The following PCDHGB1 variants were observed in gnomAD, a reference collection of about 807,000 sequenced individuals.
PCDHGB1 encodes the protein protocadherin gamma subfamily B, 1.
PCDHGB1 carries 34 observed loss-of-function variants against 56.6 expected under a neutral mutation model. The observed-to-expected ratio is 0.60, with a 90% CI of 0.46 to 0.80. The LOEUF (loss-of-function observed/expected upper bound fraction) is 0.80, where lower values mean the gene tolerates loss of function less well. Ranked by LOEUF, PCDHGB1 falls within the 30% of genes least tolerant of loss-of-function variation. The probability of loss-of-function intolerance (pLI) is 0.00; values close to 1 mark genes in which losing one functional copy is unlikely to be tolerated. For synonymous variants in PCDHGB1, 561 were observed against 505.9 expected (o/e 1.11, Z -1.46); for missense variants, 1,278 against 1,204.6 (o/e 1.06, Z -0.90).
intron 1 of PCDHGB1, among the ~76,000 whole-genome samples, chr5:141,387,296 C>T (rs2090893790): frequency 6.6e-6 from 1 of 152,134 alleles, no homozygotes; most frequent in Non-Finnish European, 1.5e-5. Flanking sequence ...TAAAATGTAT[C>T]CAGTATATTT....
chr5:141,474,962 A>G (rs954703806), intron 1 of PCDHGB1, among the ~76,000 whole-genome samples: 3 of 152,256 alleles, frequency 2.0e-5, no homozygotes, highest in Non-Finnish European at 4.4e-5. Flanking sequence ...CACTATCCTA[A>G]TCATTATAAT....
At chr5:141,419,325 A>C in intron 1 of PCDHGB1, 1 of 1,613,702 alleles carries the variant, frequency 6.2e-7, no homozygotes, top group African/African-American at 1.3e-5. Flanking sequence ...CGTGTCTCCT[A>C]CTCTCTCATT....
chr5:141,431,265 G>A lies in PCDHGB1; in HGVS notation c.2410-63542G>A. 2 of 1,614,168 alleles carry A rather than the reference G, an allele frequency of 1.2e-6. No homozygotes were observed. On this transcript the variant is annotated intron_variant, in intron 1 of 3. Transcript: ENST00000523390. This position sits in a 1 kb window ranked among gnomAD's most constrained non-coding sequence, Gnocchi z 4.8. ...GATATCGGGAAGAACTCTCTGCAGA[G>A]CTACGAGCTCAGCCCGAACACTCAC...
At chr5:141,448,667 G>A (rs1262994760) in intron 1 of PCDHGB1, among the ~76,000 whole-genome samples, 6 of 151,990 alleles carry the variant, frequency 3.9e-5, no homozygotes, top group African/African-American at 9.7e-5. Flanking sequence ...TTGGCCGGGC[G>A]CGGTGGCTCA....
chr5:141,354,817 T>C (rs371536222), intron 1 of PCDHGB1, among the ~76,000 whole-genome samples: 21 of 152,362 alleles, frequency 1.4e-4, no homozygotes, highest in African/African-American at 4.8e-4. Context: ...TAAAGTTTAT[T>C]GTACAGGAAG....
chr5:141,384,374 C>A, intron 1 of PCDHGB1: 1 of 1,613,920 alleles, frequency 6.2e-7, no homozygotes, highest in Non-Finnish European at 8.5e-7. Flanking sequence ...TATTCCTTGG[C>A]CGAAGACACC....
intron 1 of PCDHGB1, among the ~76,000 whole-genome samples, chr5:141,381,974 C>A (rs1049134937): frequency 6.6e-6 from 1 of 151,492 alleles, no homozygotes; most frequent in Non-Finnish European, 1.5e-5. Flanking sequence ...GGATTACAGG[C>A]GCGCGCCACC....
chr5:141,394,321 C>G (rs11575959), intron 1 of PCDHGB1: 43,282 of 1,613,954 alleles, frequency 0.027, 850 homozygotes, highest in African/African-American at 0.092. Flanking sequence ...CCCCTGTCCT[C>G]GTATATCTCC....
intron 1 of PCDHGB1, chr5:141,361,959 G>A: frequency 6.2e-7 from 1 of 1,602,806 alleles, no homozygotes; most frequent in Non-Finnish European, 8.5e-7. Flanking sequence ...CCTACCACGT[G>A]CTGCAGGCCA....
rs979093310 is a variant in PCDHGB1 at position 141,486,621 on chromosome 5, A to G, written c.2410-8186A>G. On this transcript the variant is annotated intron_variant, in intron 1 of 3. Transcript: ENST00000523390. This position sits in a 1 kb window ranked among gnomAD's most constrained non-coding sequence, Gnocchi z 5.0. The stretch of plus-strand genomic sequence containing the variant: ...TGCTCCCTTGCAGCCTCTGACCCAG[A>G]CTCTGGCTTGAATGCGCTTATCTCC... 6.2e-7 allele frequency: 1 copy of G among 1,613,388 alleles called. No individual in the cohort carries two copies. The highest frequency in any genetic ancestry group is 1.3e-5 in the African/African-American group (1 of 74,960).
intron 1 of PCDHGB1, chr5:141,373,923 A>ACGGGAAAG: frequency 1.5e-6 from 1 of 658,156 alleles, no homozygotes; most frequent in African/African-American, 1.9e-5. Flanking sequence ...AGCAAATTAG[A>ACGGGAAAG]CGGGAAAGCA....
At chr5:141,444,783 C>A (rs551686741) in intron 1 of PCDHGB1, among the ~76,000 whole-genome samples, 2 of 152,100 alleles carry the variant, frequency 1.3e-5, no homozygotes, top group Non-Finnish European at 2.9e-5. Context: ...GATCATGTTT[C>A]ATTTGTCTAT....
chr5:141,423,699 T>C, intron 1 of PCDHGB1: 1 of 1,469,146 alleles, frequency 6.8e-7, no homozygotes, highest in East Asian at 2.5e-5. Context: ...GTTGGTGTCT[T>C]GGCACAAGTC....
rs1004061582 is a variant in PCDHGB1, at chr5:141,477,406, A to C, written c.2410-17401A>C. ...AATACAACCTCAGCATCACCGCCCG[A>C]GACGCCGGAACCCCTTCCCTCTCAG... On this transcript the variant is annotated intron_variant, in intron 1 of 3. Transcript: ENST00000523390. The surrounding 1 kb of genome is among the most constrained non-coding windows in gnomAD (Gnocchi z 4.9). 6.2e-7 allele frequency: 1 copy of C among 1,614,036 alleles called. No homozygotes were observed. Among genetic ancestry groups the C allele is most frequent in the Admixed American group, 1.7e-5 (1 of 59,994 alleles).
At position 141,432,730 on chromosome 5, in the gene PCDHGB1, T is replaced by A; in HGVS notation, c.2410-62077T>A. 6.2e-7 allele frequency: 1 copy of A among 1,614,052 alleles called. No homozygotes were observed. Among genetic ancestry groups the A allele is most frequent in the Non-Finnish European group, 8.5e-7 (1 of 1,179,976 alleles). Reference sequence around the variant, plus strand: ...ACGGCCAGCCCCCTCTCTCCGCCACTGTCACGCTCACCGTGGCCGTGGCCG... The same window carrying A: ...ACGGCCAGCCCCCTCTCTCCGCCACAGTCACGCTCACCGTGGCCGTGGCCG... On this transcript the variant is annotated intron_variant, in intron 1 of 3. Transcript: ENST00000523390. The surrounding 1 kb of genome is among the most constrained non-coding windows in gnomAD (Gnocchi z 6.0).
At chr5:141,409,995 C>A (rs777416137) in intron 1 of PCDHGB1, 2 of 1,613,308 alleles carry the variant, frequency 1.2e-6, no homozygotes, top group Admixed American at 3.3e-5. Flanking sequence ...GACGCCGACT[C>A]GGGACACAAC....
At chr5:141,376,499 C>G (rs1320027285) in intron 1 of PCDHGB1, 3 of 1,614,146 alleles carry the variant, frequency 1.9e-6, no homozygotes, top group Admixed American at 1.7e-5. Flanking sequence ...AGAACCCAGG[C>G]AACTTCAGGT....
At chr5:141,399,719 G>A (rs773556952) in intron 1 of PCDHGB1, 13 of 1,613,168 alleles carry the variant, frequency 8.1e-6, no homozygotes, top group Non-Finnish European at 1.1e-5. Flanking sequence ...CTACAGGCCC[G>A]CGACCAGGGC....
Position 141,393,140 on chromosome 5 carries a change from G to A in PCDHGB1, c.2409+40471G>A, listed in dbSNP as rs756948310. The A allele has an allele frequency of 1.9e-6, 3 of 1,613,260 alleles. No individual in the cohort carries two copies. In the South Asian group the frequency reaches 3.3e-5, roughly 18 times the overall value. ...GGTGTCTGATAAATATTAACACCCT[G>A]GTTGAGGATAAAGGAAAACTCTTTG... On this transcript the variant is annotated intron_variant, in intron 1 of 3. Coordinates refer to ENST00000523390, the MANE Select transcript of PCDHGB1 (RefSeq NM_018922.3).
Sources: gnomAD v4.1 joint callset for allele counts (sites outside exome capture counted in the v4.1 genomes callset) on GRCh38, gnomAD v4.1.1 for gene constraint, Gnocchi (gnomAD v3.1) non-coding constraint, MANE v1.5 for transcripts, NCBI Gene and HGNC (gene_info 2026-07-23, HGNC 2026-07-21) for gene names.